CLASP1: variants seen among roughly 807,000 people sequenced by gnomAD.
The protein encoded by CLASP1 is CLIP-associating protein 1.
A neutral mutation model predicts 192.3 loss-of-function variants in CLASP1; 38 were observed. The observed-to-expected ratio is 0.20, with a 90% CI of 0.15 to 0.26. CLASP1 has a LOEUF of 0.26. CLASP1 is among the 10% of genes least tolerant of loss of function. The pLI, the probability that CLASP1 is intolerant of heterozygous loss-of-function variation, is 1.00. For missense variants in CLASP1, 1,433 were observed against 1,932.5 expected (o/e 0.74, Z 4.85); for synonymous variants, 691 against 712.8 (o/e 0.97, Z 0.49).
At chr2:121,506,766 C>A (rs185528446) in intron 7 of CLASP1, among the ~76,000 whole-genome samples, 2 of 152,268 alleles carry the variant, frequency 1.3e-5, no homozygotes, top group Admixed American at 1.3e-4. Flanking sequence ...TCAGTAGAGG[C>A]TGGGAGACTT....
At chr2:121,606,825 C>T (rs1168924437) in intron 1 of CLASP1, among the ~76,000 whole-genome samples, 1 of 152,104 alleles carries the variant, frequency 6.6e-6, no homozygotes, top group Non-Finnish European at 1.5e-5. Flanking sequence ...TGGGAGGCCA[C>T]GGCAGGCCGA....
intron 5 of CLASP1, 46 bp from the exon 6 acceptor site, chr2:121,525,966 G>C (rs770210294): frequency 7.0e-7 from 1 of 1,437,842 alleles, no homozygotes; most frequent in East Asian, 2.3e-5. Flanking sequence ...ACTGAGGAAA[G>C]AAAGAAAGAT....
intron 1 of CLASP1, among the ~76,000 whole-genome samples, chr2:121,630,741 G>A (rs1408733928): frequency 1.3e-5 from 2 of 151,510 alleles, no homozygotes; most frequent in African/African-American, 4.9e-5. Context: ...GTGGATGCCT[G>A]TAATCCCAGC....
chr2:121,397,332 G>A, intron 29 of CLASP1, 49 bp from the exon 31 acceptor site: 1 of 1,535,482 alleles, frequency 6.5e-7, no homozygotes, highest in Non-Finnish European at 9.0e-7. Flanking sequence ...ATGAATCTTT[G>A]AACACAATTC....
At chr2:121,523,996 T>C (rs2104610669) in intron 6 of CLASP1, among the ~76,000 whole-genome samples, 1 of 152,356 alleles carries the variant, frequency 6.6e-6, no homozygotes, top group African/African-American at 2.4e-5. Context: ...AACCAGACTC[T>C]AGACAACGTC....
At chr2:121,598,429 T>C (rs1251465674) in intron 2 of CLASP1, among the ~76,000 whole-genome samples, 1 of 152,246 alleles carries the variant, frequency 6.6e-6, no homozygotes, top group Non-Finnish European at 1.5e-5. Flanking sequence ...ATTTACCTAT[T>C]ACCTGTCACT....
At chr2:121,646,087 G>A (rs1316405785) in intron 1 of CLASP1, among the ~76,000 whole-genome samples, 1 of 152,132 alleles carries the variant, frequency 6.6e-6, no homozygotes, top group African/African-American at 2.4e-5. Flanking sequence ...CTTAGTTTTT[G>A]TTTTTAAGAC....
At chr2:121,577,392 G>A (rs57594163) in intron 2 of CLASP1, among the ~76,000 whole-genome samples, 5,878 of 152,182 alleles carry the variant, frequency 0.039, 162 homozygotes, top group East Asian at 0.14. Flanking sequence ...AATCCTATGA[G>A]GCCATAAAAA....
At chr2:121,497,823 G>A (rs915147411) in intron 8 of CLASP1, among the ~76,000 whole-genome samples, 4 of 152,012 alleles carry the variant, frequency 2.6e-5, no homozygotes, top group African/African-American at 7.3e-5. Context: ...AGGTTCAAGC[G>A]ATTCTCCTGC....
intron 7 of CLASP1, among the ~76,000 whole-genome samples, chr2:121,515,288 G>A (rs1232793579): frequency 1.3e-5 from 2 of 152,128 alleles, no homozygotes; most frequent in Non-Finnish European, 2.9e-5. Flanking sequence ...ATTCTGGAAT[G>A]GCTTCATTCA....
At chr2:121,497,720 T>C in intron 8 of CLASP1, among the ~76,000 whole-genome samples, 1 of 152,058 alleles carries the variant, frequency 6.6e-6, no homozygotes, top group Admixed American at 6.6e-5. Context: ...CTTTTCTTTC[T>C]TTCTTTCTTT....
intron 37 of CLASP1, among the ~76,000 whole-genome samples, chr2:121,349,831 A>G (rs1484848121): frequency 2.0e-5 from 3 of 152,176 alleles, no homozygotes; most frequent in Admixed American, 6.5e-5. Context: ...GCAAAACCCA[A>G]TGAGCAAGAA....
At chr2:121,427,890 T>C (rs982020214) in intron 20 of CLASP1, among the ~76,000 whole-genome samples, 7 of 152,186 alleles carry the variant, frequency 4.6e-5, no homozygotes, top group Non-Finnish European at 8.8e-5. Context: ...CTAAATCTAA[T>C]ATTAATGAAG....
chr2:121,353,588 C>T (rs763604489), intron 37 of CLASP1, among the ~76,000 whole-genome samples: 18 of 152,216 alleles, frequency 1.2e-4, no homozygotes, highest in Non-Finnish European at 2.6e-4. Context: ...CAGGAAGCCT[C>T]ACCATGTGTA....
intron 36 of CLASP1, 104 bp downstream of exon 37, chr2:121,364,986 CAGTA>C: frequency 1.0e-6 from 1 of 1,001,800 alleles, no homozygotes; most frequent in Admixed American, 2.0e-5. Flanking sequence ...TTGATGTAAA[CAGTA>C]AGCACAACCC....
At chr2:121,374,214 T>C (rs1423429875) in intron 34 of CLASP1, among the ~76,000 whole-genome samples, 1 of 152,264 alleles carries the variant, frequency 6.6e-6, no homozygotes, top group Non-Finnish European at 1.5e-5. Context: ...AACGTACAGC[T>C]TGGGCCATTG....
At chr2:121,556,111 G>C (rs561944464) in intron 2 of CLASP1, among the ~76,000 whole-genome samples, 1 of 142,714 alleles carries the variant, frequency 7.0e-6, no homozygotes, top group African/African-American at 2.6e-5. Flanking sequence ...AGCCTTCCAA[G>C]TAGCTGGAAT....
At chr2:121,367,543 G>C (rs1477739382) in intron 35 of CLASP1, 45 bp downstream of exon 36, 2 of 1,611,462 alleles carry the variant, frequency 1.2e-6, no homozygotes, top group Non-Finnish European at 1.7e-6. Flanking sequence ...GGGAGCACAA[G>C]GGAAGCACTT....
At chr2:121,349,606 G>C (rs1322645345) in intron 37 of CLASP1, among the ~76,000 whole-genome samples, 1 of 152,218 alleles carries the variant, frequency 6.6e-6, no homozygotes, top group Non-Finnish European at 1.5e-5. Flanking sequence ...CCAGGCAGTT[G>C]AGGCAGTTGG....
Sources: gnomAD v4.1 joint callset for allele counts (sites outside exome capture counted in the v4.1 genomes callset) on GRCh38, gnomAD v4.1.1 for gene constraint, MANE v1.5 for transcripts, NCBI Gene and HGNC (gene_info 2026-07-23, HGNC 2026-07-21) for gene names.